Variants in SDK1 observed in about 807,000 individuals in gnomAD.
SDK1 encodes the protein protein sidekick-1.
A neutral mutation model predicts 245.5 loss-of-function variants in SDK1; 157 were observed. The observed-to-expected ratio is 0.64, with a 90% confidence interval of 0.56 to 0.73. The LOEUF (loss-of-function observed/expected upper bound fraction) is 0.73. Among genes scored for constraint, SDK1 ranks in the 30% least tolerant of loss-of-function variants. SDK1 has a pLI of 0.00. For synonymous variants in SDK1, 1,647 were observed against 1,278.5 expected (o/e 1.29, Z -6.15); for missense variants, 3,583 against 3,002.3 (o/e 1.19, Z -4.52).
intron 35 of SDK1, among the ~76,000 whole-genome samples, chr7:4,194,478 A>G (rs1379293753): frequency 6.6e-6 from 1 of 150,944 alleles, no homozygotes; most frequent in Non-Finnish European, 1.5e-5. Flanking sequence ...GTATATATAT[A>G]CTCCCATATA....
chr7:3,965,989 G>A (rs1469104350), intron 9 of SDK1, among the ~76,000 whole-genome samples: 1 of 151,886 alleles, frequency 6.6e-6, no homozygotes, highest in Non-Finnish European at 1.5e-5. Context: ...AGGGTGGAGG[G>A]ATAGGCAGGG....
intron 1 of SDK1, among the ~76,000 whole-genome samples, chr7:3,380,304 T>C (rs1047544108): frequency 7.9e-5 from 12 of 152,228 alleles, no homozygotes; most frequent in Admixed American, 7.8e-4. Flanking sequence ...AGGAGAACAT[T>C]ATCCTTAGGA....
chr7:3,386,359 G>T (rs1472626055), intron 1 of SDK1, among the ~76,000 whole-genome samples: 1 of 152,124 alleles, frequency 6.6e-6, no homozygotes, highest in Non-Finnish European at 1.5e-5. Flanking sequence ...AAACAAAGAT[G>T]TTGCCTTTAA....
At chr7:3,670,698 A>G (rs1016881925) in intron 4 of SDK1, among the ~76,000 whole-genome samples, 1 of 152,150 alleles carries the variant, frequency 6.6e-6, no homozygotes, top group South Asian at 2.1e-4. Flanking sequence ...CTTATACAGG[A>G]TACCCACCCG....
At chr7:4,040,708 C>T (rs926150627) in intron 17 of SDK1, among the ~76,000 whole-genome samples, 4 of 152,168 alleles carry the variant, frequency 2.6e-5, no homozygotes, top group African/African-American at 9.7e-5. Flanking sequence ...ACTGGATGCG[C>T]CATTTGCATA....
intron 4 of SDK1, among the ~76,000 whole-genome samples, chr7:3,680,136 A>G (rs903103054): frequency 1.4e-4 from 22 of 152,238 alleles, no homozygotes; most frequent in African/African-American, 3.9e-4. Flanking sequence ...GAACCAGGCA[A>G]CGACTTGGCT....
chr7:3,644,288 T>A (rs1782751037), intron 4 of SDK1, among the ~76,000 whole-genome samples: 1 of 150,802 alleles, frequency 6.6e-6, no homozygotes, highest in South Asian at 2.1e-4. Flanking sequence ...ATTTTAAAAT[T>A]CTAGTAAAAA....
chr7:4,125,185 TG>T, intron 25 of SDK1, among the ~76,000 whole-genome samples: 1 of 140,064 alleles, frequency 7.1e-6, no homozygotes, highest in African/African-American at 2.8e-5. Flanking sequence ...GATGGATGGA[TG>T]GGTGATGGAT....
At chr7:3,522,760 A>C (rs563113845) in intron 1 of SDK1, among the ~76,000 whole-genome samples, 1 of 152,280 alleles carries the variant, frequency 6.6e-6, no homozygotes, top group African/African-American at 2.4e-5. Context: ...TTCCAGCTTT[A>C]AGGTTCACAG....
At chr7:3,985,188 T>G (rs1783728410) in intron 13 of SDK1, among the ~76,000 whole-genome samples, 2 of 152,266 alleles carry the variant, frequency 1.3e-5, no homozygotes, top group African/African-American at 4.8e-5. Context: ...AGCTCAGCTG[T>G]GGTCTGAGAG....
chr7:4,056,475 G>C (rs1779204603), intron 19 of SDK1, among the ~76,000 whole-genome samples: 1 of 152,164 alleles, frequency 6.6e-6, no homozygotes, highest in Non-Finnish European at 1.5e-5. Context: ...GAAGTGACAG[G>C]AAGCACCTAT....
chr7:3,818,449 A>G (rs983503501), intron 4 of SDK1, among the ~76,000 whole-genome samples: 1 of 152,238 alleles, frequency 6.6e-6, no homozygotes, highest in African/African-American at 2.4e-5. Context: ...TTTAAAAGGT[A>G]GAATCAAAAG....
intron 1 of SDK1, among the ~76,000 whole-genome samples, chr7:3,552,011 T>C (rs946646402): frequency 2.0e-5 from 3 of 152,130 alleles, no homozygotes; most frequent in Non-Finnish European, 2.9e-5. Flanking sequence ...ATACAACTCC[T>C]AAACATGAAA....
At chr7:3,662,542 G>C (rs746365205) in intron 4 of SDK1, among the ~76,000 whole-genome samples, 7 of 152,192 alleles carry the variant, frequency 4.6e-5, no homozygotes, top group African/African-American at 9.6e-5. Context: ...TCTTCCTGGA[G>C]GTCCAGAGAG....
At chr7:3,779,632 A>C (rs1780666244) in intron 4 of SDK1, among the ~76,000 whole-genome samples, 1 of 152,196 alleles carries the variant, frequency 6.6e-6, no homozygotes, top group African/African-American at 2.4e-5. Context: ...TTCAAAAAAT[A>C]ATAAAGTTAA....
chr7:3,334,643 C>A (rs554200673), intron 1 of SDK1, among the ~76,000 whole-genome samples: 2 of 152,296 alleles, frequency 1.3e-5, no homozygotes, highest in East Asian at 3.9e-4. Flanking sequence ...CCAGGGCACT[C>A]TACTTTCCTG....
At chr7:3,838,496 G>T (rs551761576) in intron 5 of SDK1, among the ~76,000 whole-genome samples, 34 of 152,226 alleles carry the variant, frequency 2.2e-4, no homozygotes, top group Non-Finnish European at 4.1e-4. Context: ...CACAAGGCTG[G>T]AGTCAGCAGG....
intron 1 of SDK1, among the ~76,000 whole-genome samples, chr7:3,519,957 G>A (rs866855703): frequency 1.3e-5 from 2 of 152,096 alleles, no homozygotes; most frequent in African/African-American, 2.4e-5. Context: ...CTGGATATTG[G>A]GATTAGGAGT....
At chr7:3,984,609 C>T (rs1052190312) in intron 13 of SDK1, among the ~76,000 whole-genome samples, 3 of 151,740 alleles carry the variant, frequency 2.0e-5, no homozygotes, top group African/African-American at 7.3e-5. Context: ...CCGAGAATGT[C>T]TGTTTTGCAA....
Sources: gnomAD v4.1 joint callset for allele counts (sites outside exome capture counted in the v4.1 genomes callset) on GRCh38, gnomAD v4.1.1 for gene constraint, MANE v1.5 for transcripts, NCBI Gene and HGNC (gene_info 2026-07-23, HGNC 2026-07-21) for gene names.